The following PTCHD4 variants were observed in gnomAD, a reference collection of about 807,000 sequenced individuals.
The protein encoded by PTCHD4 is patched domain-containing protein 4.
A neutral mutation model predicts 58.1 loss-of-function variants in PTCHD4; 33 were observed. That is an observed-to-expected ratio of 0.57 (90% CI 0.43 to 0.76). The LOEUF is 0.76. Among genes scored for constraint, PTCHD4 ranks in the 30% least tolerant of loss-of-function variants. The pLI is 0.00. For synonymous variants in PTCHD4, 478 were observed against 409.6 expected (o/e 1.17, Z -2.02); for missense variants, 1,058 against 1,027.1 (o/e 1.03, Z -0.41).
chr6:47,918,640 A>G (rs1176577535), intron 4 of PTCHD4, among the ~76,000 whole-genome samples: 1 of 152,188 alleles, frequency 6.6e-6, no homozygotes, highest in Non-Finnish European at 1.5e-5. Flanking sequence ...AATTCTTTTC[A>G]ATGGAATTTT....
At chr6:47,981,023 G>C (rs770098960) in intron 4 of PTCHD4, among the ~76,000 whole-genome samples, 1 of 152,010 alleles carries the variant, frequency 6.6e-6, no homozygotes, top group Non-Finnish European at 1.5e-5. Flanking sequence ...TCTTTTTCAG[G>C]AAAGGGTCAT....
intron 4 of PTCHD4, among the ~76,000 whole-genome samples, chr6:47,958,028 G>C (rs1003659058): frequency 6.6e-6 from 1 of 152,118 alleles, no homozygotes; most frequent in African/African-American, 2.4e-5. Context: ...CAGTATTTAA[G>C]AAAGCCCACT....
chr6:47,896,789 A>C (rs1764541323), intron 4 of PTCHD4, among the ~76,000 whole-genome samples: 1 of 152,024 alleles, frequency 6.6e-6, no homozygotes, highest in Admixed American at 6.6e-5. Flanking sequence ...GGCATATTAC[A>C]CTCTCCTCTC....
chr6:47,979,384 G>A (rs904040646), intron 4 of PTCHD4, among the ~76,000 whole-genome samples: 1 of 152,040 alleles, frequency 6.6e-6, no homozygotes, highest in African/African-American at 2.4e-5. Context: ...TAAATGACAT[G>A]CACACGGATG....
chr6:48,023,208 TTAA>T (rs1167278787), intron 3 of PTCHD4, among the ~76,000 whole-genome samples: 2 of 152,204 alleles, frequency 1.3e-5, no homozygotes, highest in East Asian at 3.8e-4. Flanking sequence ...GATTTTTAAA[TTAA>T]TAATGTTTGC....
chr6:47,879,369 A>G lies in PTCHD4; in HGVS notation c.1466T>C (p.Ile489Thr). 1 of 1,613,638 alleles carries G rather than the reference A, an allele frequency of 6.2e-7. No individual in the cohort carries two copies. Among genetic ancestry groups the G allele is most frequent in the Non-Finnish European group, 8.5e-7 (1 of 1,179,760 alleles). The change falls in exon 5 of 5, where the codon ATC becomes ACC. Residue 489 changes from isoleucine (I) to threonine (T), a missense_variant. Transcript: ENST00000339488. ...CLQISDGANI[I>T]NLLASDSPSV... ...TGGCGAATCACTGGCTAGTAGATTG[A>G]TGATGTTGGCTCCGTCACTGATCTG...
chr6:47,901,384 T>C (rs888057372), intron 4 of PTCHD4: 39 of 934,580 alleles, frequency 4.2e-5, no homozygotes, highest in Non-Finnish European at 4.6e-5. Context: ...GAAGTGTTCA[T>C]TACTCTTTCC....
At chr6:47,930,788 T>C (rs1227154222) in intron 4 of PTCHD4, among the ~76,000 whole-genome samples, 2 of 152,138 alleles carry the variant, frequency 1.3e-5, no homozygotes, top group African/African-American at 4.8e-5. Flanking sequence ...ATGAAGTGTA[T>C]TTTATTTATT....
At chr6:48,107,793 T>C (rs374776070) in intron 1 of PTCHD4, among the ~76,000 whole-genome samples, 28 of 152,256 alleles carry the variant, frequency 1.8e-4, no homozygotes, top group African/African-American at 6.3e-4. Flanking sequence ...GGGCAAAGGA[T>C]ATGAACAGAC....
Position 47,874,026 on chromosome 6 carries a change from C to A in PTCHD4, c.*4277G>T, listed in dbSNP as rs1763785227. Among the ~76,000 whole-genome samples, 1 of 151,716 alleles carries A rather than the reference C, an allele frequency of 6.6e-6. No individual in the cohort carries two copies. Among genetic ancestry groups the A allele is most frequent in the South Asian group, 2.1e-4 (1 of 4,832 alleles). On this transcript the variant is annotated 3_prime_UTR_variant, in exon 5 of 5. Transcript: ENST00000339488. Reference sequence around the variant, plus strand: ...GATGCCGAGCAAATCATTGACTTCTCCAATCTCTAAGAGACAATATCTAAA... The same window carrying A: ...GATGCCGAGCAAATCATTGACTTCTACAATCTCTAAGAGACAATATCTAAA...
At position 47,879,398 on chromosome 6, in the gene PTCHD4, G is replaced by A; in HGVS notation, c.1437C>T (p.Cys479=). 6 of 1,613,668 alleles carry A rather than the reference G, an allele frequency of 3.7e-6. No individual in the cohort carries two copies. The highest frequency in any genetic ancestry group is 5.1e-6 in the Non-Finnish European group (6 of 1,179,772). The change falls in exon 5 of 5, where the codon TGC becomes TGT. Residue 479 remains cysteine (C), a synonymous_variant. Transcript: ENST00000339488. ...LIYASFSFMG[C]LQISDGANII... is the part of the protein sequence containing the mutation. Reference sequence around the variant, plus strand: ...TGTTGGCTCCGTCACTGATCTGTAAGCACCCCATGAAGGAGAAGGAGGCAT... The same window carrying A: ...TGTTGGCTCCGTCACTGATCTGTAAACACCCCATGAAGGAGAAGGAGGCAT...
chr6:47,898,064 C>A (rs1222798950), intron 4 of PTCHD4, among the ~76,000 whole-genome samples: 1 of 151,360 alleles, frequency 6.6e-6, no homozygotes, highest in Admixed American at 6.6e-5. Flanking sequence ...CCTGCCGCAG[C>A]CTCCCGAGTA....
chr6:47,889,154 G>T (rs536784443), intron 4 of PTCHD4, among the ~76,000 whole-genome samples: 42 of 54,684 alleles, frequency 7.7e-4, no homozygotes, highest in African/African-American at 2.3e-3. Flanking sequence ...ATGATTTATA[G>T]TCCTTTGGGT....
intron 1 of PTCHD4, among the ~76,000 whole-genome samples, chr6:48,108,918 A>G (rs893015157): frequency 1.3e-5 from 2 of 152,052 alleles, no homozygotes; most frequent in Non-Finnish European, 2.9e-5. Flanking sequence ...ACAATTCACT[A>G]ATAACATTAT....
intron 4 of PTCHD4, among the ~76,000 whole-genome samples, chr6:47,895,785 G>A (rs1764511860): frequency 6.6e-6 from 1 of 151,886 alleles, no homozygotes; most frequent in South Asian, 2.1e-4. Context: ...CGTATGCCAA[G>A]TATTTTGCCA....
In PTCHD4 at chr6:47,872,109, C is replaced by T. The variant is rs9367306; in HGVS notation, c.*6194G>A. On this transcript the variant is annotated 3_prime_UTR_variant, in exon 5 of 5. Transcript: ENST00000339488. The stretch of plus-strand genomic sequence containing the variant: ...CAGATAAAATGATAGAAGGTGTTTC[C>T]GTGTCCAGGGAGAGATTCTAGTAAC... 6.6e-6 allele frequency among the ~76,000 whole-genome samples: 1 copy of T among 151,002 alleles called. No homozygotes were observed. The highest frequency in any genetic ancestry group is 2.0e-4 in the East Asian group (1 of 5,106).
chr6:47,990,459 C>T (rs770458262), intron 4 of PTCHD4, among the ~76,000 whole-genome samples: 10 of 152,088 alleles, frequency 6.6e-5, no homozygotes, highest in East Asian at 1.9e-4. Flanking sequence ...GGGAGGGACC[C>T]GGTGGGAGAC....
chr6:47,950,135 G>GT (rs1177738840), intron 4 of PTCHD4, among the ~76,000 whole-genome samples: 5 of 150,338 alleles, frequency 3.3e-5, no homozygotes, highest in Non-Finnish European at 5.9e-5. Context: ...GCGGTGTTTG[G>GT]TTTTTTGTCC....
chr6:48,066,173 C>T (rs1186268439), intron 3 of PTCHD4, among the ~76,000 whole-genome samples: 2 of 151,384 alleles, frequency 1.3e-5, no homozygotes, highest in African/African-American at 4.9e-5. Context: ...AGAGTGAGAA[C>T]TTTGCTTTTC....
Sources: gnomAD v4.1 joint callset for allele counts (sites outside exome capture counted in the v4.1 genomes callset) on GRCh38, gnomAD v4.1.1 for gene constraint, MANE v1.5 for transcripts, NCBI Gene and HGNC (gene_info 2026-07-23, HGNC 2026-07-21) for gene names.